Variants in UGT2A2 observed in about 807,000 individuals in gnomAD.
UGT2A2 encodes UDP-glucuronosyltransferase 2A2.
A neutral mutation model predicts 50.7 loss-of-function variants in UGT2A2; 60 were observed. The ratio of observed to expected loss-of-function variants is 1.18; its 90% CI spans 0.96 to 1.47. UGT2A2 has a LOEUF of 1.47. Among genes scored for constraint, UGT2A2 ranks in the 40% most tolerant of loss-of-function variants. The probability of loss-of-function intolerance (pLI) is 0.00; values close to 1 mark genes in which losing one functional copy is unlikely to be tolerated. For synonymous variants in UGT2A2, 242 were observed against 214.6 expected, an observed-to-expected ratio of 1.13 and a Z score of -1.11; for missense variants, 762 against 634.0, an observed-to-expected ratio of 1.20 and a Z score of -2.17.
intron 1 of UGT2A2, 77 bp downstream of exon 1, chr4:69,638,822 T>A (rs1721870694): frequency 1.4e-6 from 2 of 1,444,234 alleles, no homozygotes; most frequent in African/African-American, 2.9e-5. Flanking sequence ...TGCAGTGGAA[T>A]GGAAATCGTT....
chr4:69,625,297 G>T (rs1410948583), intron 1 of UGT2A2, among the ~76,000 whole-genome samples: 1 of 150,238 alleles, frequency 6.7e-6, no homozygotes, highest in Non-Finnish European at 1.5e-5. Flanking sequence ...TTGGTTAATT[G>T]AACTTCTTGG....
At chr4:69,629,761 T>G (rs1378943509) in intron 1 of UGT2A2, among the ~76,000 whole-genome samples, 2 of 152,094 alleles carry the variant, frequency 1.3e-5, no homozygotes, top group Non-Finnish European at 2.9e-5. Context: ...CTTTTCTCTC[T>G]CCTTATTTTA....
chr4:69,629,253 G>A (rs983692820), intron 1 of UGT2A2, among the ~76,000 whole-genome samples: 1 of 151,980 alleles, frequency 6.6e-6, no homozygotes, highest in Non-Finnish European at 1.5e-5. Context: ...TAGCTTCCTA[G>A]CACTATGAAT....
At chr4:69,624,630 T>C (rs1720931859) in intron 1 of UGT2A2, among the ~76,000 whole-genome samples, 1 of 151,400 alleles carries the variant, frequency 6.6e-6, no homozygotes, top group Non-Finnish European at 1.5e-5. Context: ...TTTTTTGCTC[T>C]ACCTTTGTTG....
intron 1 of UGT2A2, among the ~76,000 whole-genome samples, chr4:69,621,469 A>T (rs1720752169): frequency 6.6e-6 from 1 of 152,022 alleles, no homozygotes; most frequent in African/African-American, 2.4e-5. Context: ...TATGTCAGTC[A>T]GATTAGCTTT....
At chr4:69,631,555 C>A (rs1721388899) in intron 1 of UGT2A2, among the ~76,000 whole-genome samples, 1 of 151,902 alleles carries the variant, frequency 6.6e-6, no homozygotes, top group Non-Finnish European at 1.5e-5. Flanking sequence ...ACAGAATATA[C>A]AAAAATATAA....
At chr4:69,607,263 T>C (rs1282339568) in intron 1 of UGT2A2, among the ~76,000 whole-genome samples, 35 of 150,088 alleles carry the variant, frequency 2.3e-4, no homozygotes, top group Admixed American at 2.0e-4. Context: ...GAAATAATGC[T>C]GCGTATCTAC....
At chr4:69,638,818 G>A (rs967244525) in intron 1 of UGT2A2, 81 bp downstream of exon 1, 1 of 1,434,872 alleles carries the variant, frequency 7.0e-7, no homozygotes, top group Non-Finnish European at 9.2e-7. Flanking sequence ...CATATGCAGT[G>A]GAATGGAAAT....
chr4:69,627,079 T>A (rs891006049), intron 1 of UGT2A2, among the ~76,000 whole-genome samples: 11 of 151,766 alleles, frequency 7.2e-5, no homozygotes, highest in African/African-American at 2.7e-4. Context: ...GTTACTGGAG[T>A]TTCATGTGTT....
intron 5 of UGT2A2, among the ~76,000 whole-genome samples, chr4:69,590,638 AGTGTGT>A (rs4148321): frequency 2.0e-5 from 3 of 150,204 alleles, no homozygotes; most frequent in Admixed American, 6.7e-5. Flanking sequence ...ACATGTGTTG[AGTGTGT>A]GTGTGTGTGT....
rs369701259 is a variant in UGT2A2 at position 69,594,476 on chromosome 4, C to T, written c.1331+1G>A. 11 of 1,613,982 alleles carry T rather than the reference C, an allele frequency of 6.8e-6. No individual in the cohort carries two copies. The highest frequency in any genetic ancestry group is 6.7e-5 in the East Asian group (3 of 44,868). On this transcript the variant is annotated splice_donor_variant, in intron 5 of 5. Coordinates refer to ENST00000604629, the MANE Select transcript of UGT2A2 (RefSeq NM_001105677.2). LOFTEE classifies it high-confidence loss of function. ...AAGTTTTTAGGAGCCTTAGTACTTA[C>T]GAAGGTTCATTAATGACTGTTCTCA...
At chr4:69,589,832 G>A (rs1718488308) in intron 5 of UGT2A2, among the ~76,000 whole-genome samples, 181 bp from the exon 6 acceptor site, 2 of 152,138 alleles carry the variant, frequency 1.3e-5, no homozygotes, top group South Asian at 4.1e-4. Flanking sequence ...GGAAGATATG[G>A]ATGAAATATA....
intron 5 of UGT2A2, 97 bp from the exon 6 acceptor site, chr4:69,589,748 C>T: frequency 1.4e-6 from 2 of 1,476,792 alleles, no homozygotes; most frequent in East Asian, 2.3e-5. Flanking sequence ...AAGTTTAAGG[C>T]CATAGTTACG....
chr4:69,607,633 A>T (rs1473781826), intron 1 of UGT2A2, among the ~76,000 whole-genome samples: 1 of 152,178 alleles, frequency 6.6e-6, no homozygotes, highest in Non-Finnish European at 1.5e-5. Flanking sequence ...TGAACAGGCA[A>T]CCTACAGAAT....
rs1721910058 is a variant in UGT2A2 at position 69,639,260 on chromosome 4, G to T, written c.381C>A (p.Phe127Leu). Residue 127 changes from phenylalanine (F) to leucine (L), a missense_variant, in exon 1 of 6, where the codon TTC becomes TTA. By Grantham distance (22) the Phe-to-Leu change is conservative. Transcript: ENST00000604629. ...YKELGKLLDT[F>L]FQINIQLCDG... ...CACAGAGTTGTATGTTAATTTGAAA[G>T]AAAGTGTCTAGAAGTTTTCCTAGTT... 6.2e-7 allele frequency: 1 copy of T among 1,613,686 alleles called. No homozygotes were observed. Among genetic ancestry groups the T allele is most frequent in the Non-Finnish European group, 8.5e-7 (1 of 1,179,740 alleles).
At chr4:69,626,279 T>C (rs540416343) in intron 1 of UGT2A2, among the ~76,000 whole-genome samples, 3 of 151,600 alleles carry the variant, frequency 2.0e-5, no homozygotes, top group African/African-American at 4.8e-5. Context: ...TCGGAGTAAA[T>C]TTTATTCCAC....
At chr4:69,618,565 A>G (rs1341988023) in intron 1 of UGT2A2, among the ~76,000 whole-genome samples, 1 of 152,002 alleles carries the variant, frequency 6.6e-6, no homozygotes, top group Non-Finnish European at 1.5e-5. Flanking sequence ...CATATTAATA[A>G]TATTTTGAAA....
intron 5 of UGT2A2, among the ~76,000 whole-genome samples, chr4:69,590,682 G>A (rs1018003853): frequency 6.6e-6 from 1 of 151,718 alleles, no homozygotes; most frequent in African/African-American, 2.4e-5. Context: ...TCTGTCTAGT[G>A]AAAAAGAATA....
At chr4:69,603,830 A>G (rs1398916749) in intron 1 of UGT2A2, among the ~76,000 whole-genome samples, 4 of 137,012 alleles carry the variant, frequency 2.9e-5, no homozygotes, top group African/African-American at 1.2e-4. Flanking sequence ...ATGGAAGATC[A>G]AATGAATGAA....
Sources: gnomAD v4.1 joint callset for allele counts (sites outside exome capture counted in the v4.1 genomes callset) on GRCh38, gnomAD v4.1.1 for gene constraint, MANE v1.5 for transcripts, NCBI Gene and HGNC (gene_info 2026-07-23, HGNC 2026-07-21) for gene names.